SYNPR: variants seen among roughly 807,000 people sequenced by gnomAD.
SYNPR encodes the protein synaptoporin.
Under a neutral mutation model 32.9 loss-of-function variants are expected in SYNPR, and 23 were observed. That is an observed-to-expected ratio of 0.70 (90% confidence interval 0.50 to 0.99). The LOEUF (loss-of-function observed/expected upper bound fraction) is 0.99. SYNPR is among the 50% of genes least tolerant of loss of function. SYNPR has a pLI of 0.00. For synonymous variants in SYNPR, 146 were observed against 135.9 expected, an observed-to-expected ratio of 1.07 and a Z score of -0.52; for missense variants, 318 against 349.3, an observed-to-expected ratio of 0.91 and a Z score of 0.71.
chr3:63,565,895 A>G (rs1390492320), intron 4 of SYNPR, among the ~76,000 whole-genome samples: 1 of 151,996 alleles, frequency 6.6e-6, no homozygotes, highest in East Asian at 1.9e-4. Context: ...TGGCTGTCAT[A>G]TTGTCTTCTA....
chr3:63,261,850 G>C (rs1014002425), intron 2 of SYNPR, among the ~76,000 whole-genome samples: 1 of 151,566 alleles, frequency 6.6e-6, no homozygotes, highest in African/African-American at 2.4e-5. Flanking sequence ...ACATAGGAAG[G>C]GGAACATCAC....
At chr3:63,265,238 ATTCTTTTTTTTT>A (rs753257539) in intron 2 of SYNPR, among the ~76,000 whole-genome samples, 2 of 87,898 alleles carry the variant, frequency 2.3e-5, no homozygotes, top group African/African-American at 8.1e-5. Context: ...TTCTAATGAC[ATTCTTTTTTTTT>A]TTTTTTTTTT....
chr3:63,394,323 C>G (rs926757046), intron 2 of SYNPR, among the ~76,000 whole-genome samples: 1 of 152,080 alleles, frequency 6.6e-6, no homozygotes, highest in Non-Finnish European at 1.5e-5. Flanking sequence ...GATATCAGAG[C>G]CTAACTTTAA....
chr3:63,472,793 GA>G (rs2106679010), intron 2 of SYNPR, among the ~76,000 whole-genome samples: 1 of 152,166 alleles, frequency 6.6e-6, no homozygotes, highest in Non-Finnish European at 1.5e-5. Flanking sequence ...CTCCCTTGCT[GA>G]AAACCTATTC....
chr3:63,448,665 A>T (rs1448430825), intron 2 of SYNPR, among the ~76,000 whole-genome samples: 1 of 152,120 alleles, frequency 6.6e-6, no homozygotes, highest in Non-Finnish European at 1.5e-5. Flanking sequence ...TGTGGATGTC[A>T]CTTTTTTTTT....
At chr3:63,292,592 T>C (rs1342786864) in intron 2 of SYNPR, among the ~76,000 whole-genome samples, 1 of 152,220 alleles carries the variant, frequency 6.6e-6, no homozygotes, top group Non-Finnish European at 1.5e-5. Flanking sequence ...GTAGAAATAA[T>C]GATAACTAGC....
chr3:63,494,478 CAT>C (rs201041485), intron 3 of SYNPR, among the ~76,000 whole-genome samples: 7,203 of 109,174 alleles, frequency 0.066, 295 homozygotes, highest in South Asian at 0.12. Flanking sequence ...CACATATATA[CAT>C]ATATATACAT....
intron 4 of SYNPR, among the ~76,000 whole-genome samples, chr3:63,588,941 C>G (rs1444291640): frequency 6.6e-6 from 1 of 152,032 alleles, no homozygotes; most frequent in Non-Finnish European, 1.5e-5. Flanking sequence ...CACCCAAATT[C>G]CCAAGAAACA....
At chr3:63,209,247 G>A in the SYNPR span, among the ~76,000 whole-genome samples, 1 of 151,554 alleles carries the variant, frequency 6.6e-6, no homozygotes, top group South Asian at 2.1e-4. Context: ...GAACCCGGGG[G>A]GCGGAGCCTG....
chr3:63,361,434 A>C, intron 2 of SYNPR, among the ~76,000 whole-genome samples: 1 of 151,906 alleles, frequency 6.6e-6, no homozygotes, highest in South Asian at 2.1e-4. Context: ...CTCTACTAAA[A>C]AAAAATACAA....
intron 1 of SYNPR, among the ~76,000 whole-genome samples, chr3:63,248,850 C>T (rs572559474): frequency 3.3e-5 from 5 of 152,008 alleles, no homozygotes; most frequent in Non-Finnish European, 5.9e-5. Flanking sequence ...AGAACAAATC[C>T]CATTTTGATG....
chr3:63,346,136 TCTTC>T (rs773347150), intron 2 of SYNPR, among the ~76,000 whole-genome samples: 4 of 152,114 alleles, frequency 2.6e-5, no homozygotes, highest in Non-Finnish European at 5.9e-5. Flanking sequence ...TTATTCAAAC[TCTTC>T]ATACATCAAT....
intron 3 of SYNPR, among the ~76,000 whole-genome samples, chr3:63,489,710 A>C (rs867066301): frequency 3.3e-5 from 5 of 152,344 alleles, no homozygotes; most frequent in African/African-American, 1.2e-4. Context: ...AATATAAATA[A>C]ATACATATAT....
At chr3:63,205,152 G>A in the SYNPR span, among the ~76,000 whole-genome samples, 1 of 152,098 alleles carries the variant, frequency 6.6e-6, no homozygotes, top group Non-Finnish European at 1.5e-5. Context: ...CTATGTGTGT[G>A]ATTATTGTTT....
intron 4 of SYNPR, among the ~76,000 whole-genome samples, chr3:63,604,881 T>A (rs1355051841): frequency 6.6e-6 from 1 of 152,238 alleles, no homozygotes; most frequent in Non-Finnish European, 1.5e-5. Flanking sequence ...AATTATAAAA[T>A]GAGTTTTTAC....
chr3:63,275,420 C>G (rs1035793164), upstream of SYNPR, among the ~76,000 whole-genome samples: 5 of 152,206 alleles, frequency 3.3e-5, no homozygotes, highest in Non-Finnish European at 5.9e-5. Context: ...CAATTGTTGT[C>G]TAAGCTATTA....
At chr3:63,523,312 C>T (rs72887342) in intron 3 of SYNPR, among the ~76,000 whole-genome samples, 5,164 of 152,124 alleles carry the variant, frequency 0.034, 292 homozygotes, top group African/African-American at 0.12. Context: ...GAGGAGTTTA[C>T]GTCTGGCTTC....
intron 2 of SYNPR, among the ~76,000 whole-genome samples, chr3:63,384,570 A>G (rs1415194047): frequency 6.6e-6 from 1 of 152,204 alleles, no homozygotes; most frequent in Non-Finnish European, 1.5e-5. Context: ...GGAACGAACA[A>G]TATGTGCTGA....
chr3:63,279,706 A>T (rs752233007), intron 2 of SYNPR, among the ~76,000 whole-genome samples: 3 of 152,346 alleles, frequency 2.0e-5, no homozygotes, highest in Middle Eastern at 3.4e-3. Context: ...CTAGCTGGGA[A>T]ATTATGTAAG....
Sources: gnomAD v4.1 joint callset for allele counts (sites outside exome capture counted in the v4.1 genomes callset) on GRCh38, gnomAD v4.1.1 for gene constraint, MANE v1.5 for transcripts, NCBI Gene and HGNC (gene_info 2026-07-23, HGNC 2026-07-21) for gene names.